The following SORCS3 variants were observed in gnomAD, a reference collection of about 807,000 sequenced individuals.
SORCS3 encodes VPS10 domain-containing receptor SorCS3.
In SORCS3, 57 loss-of-function variants were observed where a neutral mutation model predicts 146.3. The observed-to-expected ratio is 0.39, with a 90% CI of 0.31 to 0.49. SORCS3 has a LOEUF of 0.49. SORCS3 is among the 20% of genes least tolerant of loss of function. The pLI, the probability that SORCS3 is intolerant of heterozygous loss-of-function variation, is 0.92. For missense variants in SORCS3, 1,341 were observed against 1,575.5 expected, an observed-to-expected ratio of 0.85 and a Z score of 2.52; for synonymous variants, 653 against 618.5, an observed-to-expected ratio of 1.06 and a Z score of -0.83.
intron 23 of SORCS3, among the ~76,000 whole-genome samples, chr10:105,254,257 A>G (rs571494301): frequency 6.6e-6 from 1 of 152,246 alleles, no homozygotes; most frequent in Admixed American, 6.5e-5. Context: ...AGCGGCCTAC[A>G]TCCCCTGTGT....
chr10:104,730,323 A>G (rs2016691656), intron 1 of SORCS3, among the ~76,000 whole-genome samples: 1 of 152,368 alleles, frequency 6.6e-6, no homozygotes, highest in South Asian at 2.1e-4. Context: ...AATCAGGGAC[A>G]CAGCTGGGAC....
chr10:105,199,985 C>G lies in SORCS3; in HGVS notation c.2010-14C>G. On this transcript the variant is annotated splice_polypyrimidine_tract_variant and intron_variant, in intron 14 of 26. Coordinates refer to ENST00000369701, the MANE Select transcript of SORCS3 (RefSeq NM_014978.3). Reference sequence around the variant, plus strand: ...TCTCCCCTTGTGTCTCCCACTCCTCCCCTAAACACTTAGAGTTTTTGGCCA... The same window carrying G: ...TCTCCCCTTGTGTCTCCCACTCCTCGCCTAAACACTTAGAGTTTTTGGCCA... 6.2e-7 allele frequency: 1 copy of G among 1,602,778 alleles called. No homozygotes were observed. Among genetic ancestry groups the G allele is most frequent in the Non-Finnish European group, 8.5e-7 (1 of 1,170,190 alleles).
At chr10:104,695,937 A>G (rs1359341508) in intron 1 of SORCS3, among the ~76,000 whole-genome samples, 2 of 143,932 alleles carry the variant, frequency 1.4e-5, no homozygotes, top group African/African-American at 2.5e-5. Flanking sequence ...ATTGTGATGT[A>G]TATATATAAT....
At chr10:104,712,560 T>G (rs2016431180) in intron 1 of SORCS3, among the ~76,000 whole-genome samples, 1 of 152,178 alleles carries the variant, frequency 6.6e-6, no homozygotes, top group Non-Finnish European at 1.5e-5. Flanking sequence ...TAGGATTCCT[T>G]TCTTGTCATA....
chr10:104,787,354 G>T (rs2017450786), intron 1 of SORCS3, among the ~76,000 whole-genome samples: 1 of 152,200 alleles, frequency 6.6e-6, no homozygotes. Context: ...TAATAATTTT[G>T]CAGAATGATG....
At chr10:104,924,434 G>A (rs1422921942) in intron 3 of SORCS3, among the ~76,000 whole-genome samples, 1 of 152,194 alleles carries the variant, frequency 6.6e-6, no homozygotes, top group Non-Finnish European at 1.5e-5. Flanking sequence ...AATGTCAGTT[G>A]TGTCTCTACG....
chr10:104,672,455 G>C (rs950852861), intron 1 of SORCS3, among the ~76,000 whole-genome samples: 1 of 151,824 alleles, frequency 6.6e-6, no homozygotes, highest in Non-Finnish European at 1.5e-5. Context: ...GTGTTTTTCT[G>C]TTCTCTGATC....
intron 2 of SORCS3, among the ~76,000 whole-genome samples, chr10:104,914,928 C>T (rs2019009270): frequency 6.6e-6 from 1 of 150,442 alleles, no homozygotes; most frequent in Non-Finnish European, 1.5e-5. Context: ...GTAAGTCTAG[C>T]CAAGGACAGT....
At chr10:105,259,634 T>C (rs538943063) in intron 25 of SORCS3, among the ~76,000 whole-genome samples, 1 of 152,340 alleles carries the variant, frequency 6.6e-6, no homozygotes, top group Non-Finnish European at 1.5e-5. Flanking sequence ...CTTTTCTTTC[T>C]GAAGACTGCC....
At chr10:105,147,063 C>G in intron 8 of SORCS3, among the ~76,000 whole-genome samples, 1 of 127,900 alleles carries the variant, frequency 7.8e-6, no homozygotes, top group South Asian at 2.5e-4. Context: ...AAATATTACA[C>G]AGAATTCCAC....
At chr10:104,720,230 G>T (rs888717204) in intron 1 of SORCS3, among the ~76,000 whole-genome samples, 2 of 151,710 alleles carry the variant, frequency 1.3e-5, no homozygotes, top group Non-Finnish European at 2.9e-5. Context: ...TGCGGTGTTT[G>T]GTTTTTTGTC....
At chr10:105,184,053 T>G (rs1259356419) in intron 14 of SORCS3, among the ~76,000 whole-genome samples, 2 of 152,232 alleles carry the variant, frequency 1.3e-5, no homozygotes, top group African/African-American at 2.4e-5. Flanking sequence ...TGAAGAACAT[T>G]GGACATGTTG....
intron 6 of SORCS3, among the ~76,000 whole-genome samples, chr10:105,093,354 G>C (rs1378728827): frequency 6.6e-6 from 1 of 152,096 alleles, no homozygotes; most frequent in African/African-American, 2.4e-5. Context: ...TTATGACCTT[G>C]GGATGGACAG....
At chr10:104,844,305 T>G (rs1471325491) in intron 2 of SORCS3, among the ~76,000 whole-genome samples, 1 of 152,184 alleles carries the variant, frequency 6.6e-6, no homozygotes. Flanking sequence ...TGTGATACTT[T>G]AAGCCTCATT....
chr10:104,724,692 T>C (rs1011302590), intron 1 of SORCS3, among the ~76,000 whole-genome samples: 1 of 152,232 alleles, frequency 6.6e-6, no homozygotes, highest in African/African-American at 2.4e-5. Flanking sequence ...TTCTTTTTTC[T>C]CTAAACTTCT....
At chr10:105,253,246 G>A (rs894188345) in intron 23 of SORCS3, among the ~76,000 whole-genome samples, 10 of 152,134 alleles carry the variant, frequency 6.6e-5, no homozygotes, top group African/African-American at 2.4e-4. Flanking sequence ...AAGAAGGGGG[G>A]AATTTGAATT....
intron 3 of SORCS3, among the ~76,000 whole-genome samples, chr10:104,963,783 G>A (rs1388399101): frequency 6.6e-6 from 1 of 152,070 alleles, no homozygotes; most frequent in Non-Finnish European, 1.5e-5. Context: ...CTATCCATAA[G>A]TGTTAATTCC....
At chr10:105,188,958 C>G (rs1161761464) in intron 14 of SORCS3, among the ~76,000 whole-genome samples, 1 of 152,154 alleles carries the variant, frequency 6.6e-6, no homozygotes, top group Non-Finnish European at 1.5e-5. Context: ...CCGGAATCCA[C>G]AGCACGTTTA....
chr10:105,088,312 G>GA (rs2055676843), intron 5 of SORCS3, among the ~76,000 whole-genome samples: 1 of 152,058 alleles, frequency 6.6e-6, no homozygotes, highest in African/African-American at 2.4e-5. Flanking sequence ...ATGAGGTAAA[G>GA]AAAAAGGAAA....
Sources: gnomAD v4.1 joint callset for allele counts (sites outside exome capture counted in the v4.1 genomes callset) on GRCh38, gnomAD v4.1.1 for gene constraint, MANE v1.5 for transcripts, NCBI Gene and HGNC (gene_info 2026-07-23, HGNC 2026-07-21) for gene names.